DGCR8: variants seen among roughly 807,000 people sequenced by gnomAD.
The protein encoded by DGCR8 is DGCR8 microprocessor complex subunit.
Under a neutral mutation model 78.5 loss-of-function variants are expected in DGCR8, and 14 were observed. That is an observed-to-expected ratio of 0.18 (90% CI 0.12 to 0.28). The LOEUF (loss-of-function observed/expected upper bound fraction) is 0.28. DGCR8 is among the 10% of genes least tolerant of loss of function. The pLI, the probability that DGCR8 is intolerant of heterozygous loss-of-function variation, is 1.00. For missense variants in DGCR8, 702 were observed against 1,022.5 expected (o/e 0.69, Z 4.28); for synonymous variants, 399 against 402.4 (o/e 0.99, Z 0.10).
Position 20,110,684 on chromosome 22 carries a change from T to C in DGCR8, c.*576T>C, listed in dbSNP as rs1461719276. ...TTAAACCTTTTTGGCTTAAACAGAA[T>C]TTTAGCATCAGAACTAGCTTTCTGG... On this transcript the variant is annotated 3_prime_UTR_variant, in exon 14 of 14. Coordinates refer to ENST00000351989, the MANE Select transcript of DGCR8 (RefSeq NM_022720.7). 1 of 156,454 alleles carries C rather than the reference T, an allele frequency of 6.4e-6. No homozygotes were observed. The highest frequency in any genetic ancestry group is 1.4e-5 in the Non-Finnish European group (1 of 70,888). The allele number at this position is 156,454 out of a possible 1,614,324, so 9.7% of individuals were successfully genotyped here. A position where few individuals can be genotyped will look rare whatever the true frequency, so the allele number is the denominator to read the frequency against.
chr22:20,082,899 A>G (rs970704709), intron 1 of DGCR8, among the ~76,000 whole-genome samples: 1 of 152,230 alleles, frequency 6.6e-6, no homozygotes, highest in African/African-American at 2.4e-5. Context: ...GAATCAGCTG[A>G]TGCCACTGTG....
rs769957402 is a variant in DGCR8 at position 20,085,877 on chromosome 22, C to T, written c.-87C>T. ...AGCGCGGCAGGACGCGCCCGGGTCT[C>T]AGCGGACTTGTGCATGTTAGCTGTG... is the stretch of plus-strand genomic sequence containing the variant. On this transcript the variant is annotated 5_prime_UTR_variant, in exon 2 of 14. Transcript: ENST00000351989. The surrounding 1 kb of genome is among the most constrained non-coding windows in gnomAD (Gnocchi z 6.2). The T allele has an allele frequency of 8.0e-6, 12 of 1,501,930 alleles. No individual in the cohort carries two copies. Among genetic ancestry groups the T allele is most frequent in the Admixed American group, 6.8e-5 (3 of 44,350 alleles). The allele number at this position is 1,501,930 out of a possible 1,614,324, so 93.0% of individuals were successfully genotyped here.
chr22:20,098,333 G>A (rs1453856464), intron 9 of DGCR8, among the ~76,000 whole-genome samples: 5 of 152,138 alleles, frequency 3.3e-5, no homozygotes, highest in African/African-American at 1.2e-4. Context: ...CTTTGAGTAT[G>A]TTTTCTGTAG....
chr22:20,097,281 C>T (rs2049639431), intron 9 of DGCR8, among the ~76,000 whole-genome samples: 1 of 152,166 alleles, frequency 6.6e-6, no homozygotes, highest in African/African-American at 2.4e-5. Context: ...TTGTAGACTG[C>T]GTTCAGTGAA....
At chr22:20,091,385 C>T in intron 5 of DGCR8, 50 bp from the exon 6 acceptor site, 3 of 1,595,718 alleles carry the variant, frequency 1.9e-6, no homozygotes, top group South Asian at 1.1e-5. Flanking sequence ...GAGAACCTGA[C>T]TCCTATGTTG....
intron 9 of DGCR8, chr22:20,101,134 C>CGT: frequency 1.1e-6 from 1 of 929,362 alleles, no homozygotes; most frequent in Non-Finnish European, 1.3e-6. Flanking sequence ...AAAGACAAAC[C>CGT]TAGCACTCAG....
chr22:20,103,938 C>T (rs1039148583), intron 9 of DGCR8, among the ~76,000 whole-genome samples: 11 of 152,210 alleles, frequency 7.2e-5, no homozygotes, highest in African/African-American at 1.2e-4. Context: ...AGGTGTCGGG[C>T]GTCTGTGGTG....
At position 20,107,392 on chromosome 22, in the gene DGCR8, C is replaced by T. The variant is rs1193937258; in HGVS notation, c.2118C>T (p.Val706=). The part of the protein sequence containing the change: ...RMYGRESSKM[V]KQETSDKSVI... Reference sequence around the variant, plus strand: ...ATGGCCGTGAGAGCAGCAAGATGGTCAAGCAGGTAACTGGCCATCAGCAGG... The same window carrying T: ...ATGGCCGTGAGAGCAGCAAGATGGTTAAGCAGGTAACTGGCCATCAGCAGG... Residue 706 remains valine, a synonymous_variant, in exon 12 of 14, where the codon GTC becomes GTT. Coordinates refer to ENST00000351989, the MANE Select transcript of DGCR8 (RefSeq NM_022720.7). 1.2e-6 allele frequency: 2 copies of T among 1,613,954 alleles called. No homozygotes were observed. The highest frequency in any genetic ancestry group is 2.7e-5 in the African/African-American group (2 of 74,910).
chr22:20,111,052 A>T lies in DGCR8; in HGVS notation c.*944A>T, dbSNP rs1288310997. The T allele has an allele frequency of 2.6e-6, 1 of 390,690 alleles. No individual in the cohort carries two copies. Among genetic ancestry groups the T allele is most frequent in the African/African-American group, 2.4e-5 (1 of 42,472 alleles). The allele number at this position is 390,690 out of a possible 1,614,324, so 24.2% of individuals were successfully genotyped here. On this transcript the variant is annotated 3_prime_UTR_variant, in exon 14 of 14. Transcript: ENST00000351989. ...TAGCAAGTGGACTTGTTGAAACAGG[A>T]AGCAAGGGCCTTCAGTGTAGCCCAT...
chr22:20,106,669 C>T lies in DGCR8; in HGVS notation c.1967C>T (p.Ala656Val). ...AACCAGAAGAGTGAATACGTCATGG[C>T]GTGTGGCAAGCACACAGTGCGCGGG... ...GKNQKSEYVM[A>V]CGKHTVRGWC... is the part of the protein sequence containing the mutation. Residue 656 changes from alanine (A) to valine (V), a missense_variant, in exon 11 of 14, where the codon GCG becomes GTG. Coordinates refer to ENST00000351989, the MANE Select transcript of DGCR8 (RefSeq NM_022720.7). The T allele has an allele frequency of 6.2e-7, 1 of 1,613,878 alleles. No individual in the cohort carries two copies. Among genetic ancestry groups the T allele is most frequent in the Non-Finnish European group, 8.5e-7 (1 of 1,179,734 alleles).
Position 20,110,143 on chromosome 22 carries a change from A to C in DGCR8, c.*35A>C, listed in dbSNP as rs1198127750. The C allele has an allele frequency of 6.3e-7, 1 of 1,593,516 alleles. No homozygotes were observed. The highest frequency in any genetic ancestry group is 8.5e-7 in the Non-Finnish European group (1 of 1,172,988). The stretch of plus-strand genomic sequence containing the variant: ...CACGGGCCAGGGCGCGGGGGCCGCC[A>C]GCCGCACTTCTGAGGAGACCAGCAG... On this transcript the variant is annotated 3_prime_UTR_variant, in exon 14 of 14. Transcript: ENST00000351989.
At chr22:20,093,234 T>G (rs1357297399) in intron 8 of DGCR8, among the ~76,000 whole-genome samples, 1 of 151,980 alleles carries the variant, frequency 6.6e-6, no homozygotes, top group Non-Finnish European at 1.5e-5. Flanking sequence ...TGAAACCCTC[T>G]CTCTACTAAA....
chr22:20,094,563 G>T, intron 8 of DGCR8, 150 bp from the exon 9 acceptor site: 2 of 708,760 alleles, frequency 2.8e-6, no homozygotes, highest in South Asian at 3.4e-5. Context: ...GTCCTCTCCT[G>T]ACCCTGTCAC....
At chr22:20,108,709 C>G (rs1317396846) in intron 12 of DGCR8, 181 bp from the exon 13 acceptor site, 1 of 475,044 alleles carries the variant, frequency 2.1e-6, no homozygotes, top group African/African-American at 1.9e-5. Context: ...GTCAGTGGGC[C>G]TGGCATCACT....
rs534255622 is a variant in DGCR8 at position 20,111,342 on chromosome 22, C to T, written c.*1234C>T. On this transcript the variant is annotated 3_prime_UTR_variant, in exon 14 of 14. Coordinates refer to ENST00000351989, the MANE Select transcript of DGCR8 (RefSeq NM_022720.7). ...GCCGTGTCTGTCCCCCACCATGCCC[C>T]CTACAGGCGGTACTGATGGCGCTTT... 2 of 397,890 alleles carry T rather than the reference C, an allele frequency of 5.0e-6. No individual in the cohort carries two copies. The highest frequency in any genetic ancestry group is 2.6e-4 in the South Asian group (2 of 7,782). The allele number at this position is 397,890 out of a possible 1,614,324, so 24.6% of individuals were successfully genotyped here. A position where few individuals can be genotyped will look rare whatever the true frequency, so the allele number is the denominator to read the frequency against.
Position 20,086,047 on chromosome 22 carries a change from A to T in DGCR8, c.84A>T (p.Gln28His). ...AVMESRARPF[Q>H]ALPREQSPPP... Reference sequence around the variant, plus strand: ...TGGAGAGCCGAGCTCGCCCCTTCCAAGCGCTGCCCCGTGAGCAGTCTCCAC... The same window carrying T: ...TGGAGAGCCGAGCTCGCCCCTTCCATGCGCTGCCCCGTGAGCAGTCTCCAC... Residue 28 changes from glutamine to histidine, a missense_variant, in exon 2 of 14, where the codon CAA becomes CAT. This residue lies in a region of DGCR8 where 356 missense variants were observed against 448.9 expected (regional missense o/e 0.79). Transcript: ENST00000351989. The surrounding 1 kb of genome is among the most constrained non-coding windows in gnomAD (Gnocchi z 6.4). 1.2e-6 allele frequency: 2 copies of T among 1,613,964 alleles called. No homozygotes were observed. The highest frequency in any genetic ancestry group is 3.3e-5 in the Admixed American group (2 of 60,034).
chr22:20,080,319 G>C lies in DGCR8; in HGVS notation c.-342G>C, dbSNP rs2049402392. 1.0e-6 allele frequency: 1 copy of C among 980,928 alleles called. No homozygotes were observed. Among genetic ancestry groups the C allele is most frequent in the Non-Finnish European group, 1.2e-6 (1 of 828,216 alleles). 60.8% of individuals were successfully genotyped at this position (980,928 alleles called of 1,614,324 possible). A position where few individuals can be genotyped will look rare whatever the true frequency, so the allele number is the denominator to read the frequency against. On this transcript the variant is annotated 5_prime_UTR_variant, in exon 1 of 14. Transcript: ENST00000351989. ...GCTTTCCAGATGGCTGCGGCGGTCG[G>C]TCGGTGAGGCTTTCCCGGCTGTGGT...
chr22:20,086,804 T>A lies in DGCR8; in HGVS notation c.720+121T>A. The A allele has an allele frequency of 6.2e-6, 7 of 1,129,818 alleles. No homozygotes were observed. Among genetic ancestry groups the A allele is most frequent in the South Asian group, 1.6e-5 (1 of 64,274 alleles). 70.0% of individuals were successfully genotyped at this position (1,129,818 alleles called of 1,614,324 possible). ...AAAAAAAACAAAAACCAAAATCCCC[T>A]CTGAGGTGGAATAATGTTAATGTGG... On this transcript the variant is annotated intron_variant, in intron 2 of 13. Transcript: ENST00000351989. This position sits in a 1 kb window ranked among gnomAD's most constrained non-coding sequence, Gnocchi z 6.4.
chr22:20,104,216 C>T (rs2049742792), intron 9 of DGCR8, among the ~76,000 whole-genome samples: 1 of 150,618 alleles, frequency 6.6e-6, no homozygotes, highest in Non-Finnish European at 1.5e-5. Context: ...GGACTGCGGA[C>T]TGCAGTGGCG....
Sources: gnomAD v4.1 joint callset for allele counts (sites outside exome capture counted in the v4.1 genomes callset) on GRCh38, gnomAD v4.1.1 for gene constraint, gnomAD v4.1.1 regional missense constraint, Gnocchi (gnomAD v3.1) non-coding constraint, MANE v1.5 for transcripts, NCBI Gene and HGNC (gene_info 2026-07-23, HGNC 2026-07-21) for gene names.